BFSP2: variants seen among roughly 807,000 people sequenced by gnomAD.
BFSP2 encodes phakinin.
BFSP2 carries 38 observed loss-of-function variants against 44.9 expected under a neutral mutation model. That is an observed-to-expected ratio of 0.85 (90% confidence interval 0.65 to 1.11). The LOEUF (loss-of-function observed/expected upper bound fraction) is 1.11. Among genes scored for constraint, BFSP2 ranks in the 50% least tolerant of loss-of-function variants. The probability of loss-of-function intolerance (pLI) is 0.00; values close to 1 mark genes in which losing one functional copy is unlikely to be tolerated. For synonymous variants in BFSP2, 197 were observed against 209.9 expected, an observed-to-expected ratio of 0.94 and a Z score of 0.53; for missense variants, 525 against 533.0, an observed-to-expected ratio of 0.99 and a Z score of 0.15.
Position 133,426,021 on chromosome 3 carries a change from A to C in BFSP2, c.490-21296A>C, listed in dbSNP as rs2073651125. On this transcript the variant is annotated intron_variant, in intron 1 of 6. Transcript: ENST00000302334. The stretch of plus-strand genomic sequence containing the variant: ...AGGGCAGGGAAAGGAAGGGAAGGGA[A>C]GGGAAGGGAAGGGAAGGGAAAAAGC... Among the ~76,000 whole-genome samples the C allele has an allele frequency of 1.8e-5, 2 of 114,220 alleles. 1 individual carries two copies. The highest frequency in any genetic ancestry group is 3.7e-5 in the Non-Finnish European group (2 of 54,640). The allele number at this position is 114,220 out of a possible 152,430, so 74.9% of individuals were successfully genotyped here.
chr3:133,449,282 C>G (rs1261767563), intron 3 of BFSP2: 2 of 152,996 alleles, frequency 1.3e-5, no homozygotes, highest in African/African-American at 2.4e-5. Flanking sequence ...TCTTCTTGTT[C>G]TTAGCTCAGT....
At chr3:133,401,499 G>C (rs1250813034) in intron 1 of BFSP2, among the ~76,000 whole-genome samples, 1 of 152,168 alleles carries the variant, frequency 6.6e-6, no homozygotes, top group Non-Finnish European at 1.5e-5. Flanking sequence ...TCCCTTGCTT[G>C]GTCAGCCCTG....
At chr3:133,416,949 C>T (rs1218381721) in intron 1 of BFSP2, among the ~76,000 whole-genome samples, 5 of 130,258 alleles carry the variant, frequency 3.8e-5, no homozygotes, top group Non-Finnish European at 6.6e-5. Flanking sequence ...CTCACCCCGT[C>T]CTCTCCCCTC....
chr3:133,459,742 G>T (rs1228718365), intron 4 of BFSP2, among the ~76,000 whole-genome samples: 1 of 152,168 alleles, frequency 6.6e-6, no homozygotes, highest in Non-Finnish European at 1.5e-5. Flanking sequence ...GAGGAAGGTC[G>T]GGAGTGTGTG....
intron 3 of BFSP2, among the ~76,000 whole-genome samples, chr3:133,449,704 C>T (rs993613124): frequency 1.3e-5 from 2 of 151,904 alleles, no homozygotes; most frequent in Non-Finnish European, 2.9e-5. Context: ...ATGGTGAAAC[C>T]CTGTCTCCAC....
At chr3:133,408,583 C>A (rs890133302) in intron 1 of BFSP2, among the ~76,000 whole-genome samples, 1 of 152,228 alleles carries the variant, frequency 6.6e-6, no homozygotes, top group Non-Finnish European at 1.5e-5. Flanking sequence ...TCACTGCAAT[C>A]CTATCTGTAA....
chr3:133,400,618 G>A lies in BFSP2; in HGVS notation c.489+46G>A. The A allele has an allele frequency of 6.4e-7, 1 of 1,557,710 alleles. No homozygotes were observed. The highest frequency in any genetic ancestry group is 1.2e-5 in the South Asian group (1 of 84,946). Reference sequence around the variant, plus strand: ...AAGGGCTTTGCAGAGGGCTGGGAGGGGCTGCTGAAGGCAGCGGGTAGGGTT... The same window carrying A: ...AAGGGCTTTGCAGAGGGCTGGGAGGAGCTGCTGAAGGCAGCGGGTAGGGTT... On this transcript the variant is annotated intron_variant, in intron 1 of 6. Coordinates refer to ENST00000302334, the MANE Select transcript of BFSP2 (RefSeq NM_003571.4). The surrounding 1 kb of genome is among the most constrained non-coding windows in gnomAD (Gnocchi z 4.0).
intron 1 of BFSP2, among the ~76,000 whole-genome samples, chr3:133,438,545 CAA>C (rs902121784): frequency 6.7e-6 from 1 of 150,082 alleles, no homozygotes; most frequent in Non-Finnish European, 1.5e-5. Context: ...AGAAACAAAA[CAA>C]AAAAAGAAAA....
chr3:133,415,044 T>C (rs1415914481), intron 1 of BFSP2, among the ~76,000 whole-genome samples: 50 of 64,334 alleles, frequency 7.8e-4, no homozygotes, highest in Admixed American at 1.3e-3. Context: ...GCCCTCTCCC[T>C]TCTATTCACT....
chr3:133,400,697 TAAAATG>T lies in BFSP2; in HGVS notation c.489+126_489+131del. 1 of 1,419,896 alleles carries T rather than the reference TAAAATG, an allele frequency of 7.0e-7. No homozygotes were observed. The highest frequency in any genetic ancestry group is 1.4e-5 in the African/African-American group (1 of 69,964). The allele number at this position is 1,419,896 out of a possible 1,614,324, so 88.0% of individuals were successfully genotyped here. On this transcript the variant is annotated intron_variant, in intron 1 of 6. Transcript: ENST00000302334. The surrounding 1 kb of genome is among the most constrained non-coding windows in gnomAD (Gnocchi z 4.0). ...CCATAATCCCCTACACTTTCACACT[TAAAATG>T]GTAATGATAACAACAATGCTACCTT...
intron 4 of BFSP2, among the ~76,000 whole-genome samples, chr3:133,454,609 GA>G (rs2073996512): frequency 6.6e-6 from 1 of 152,152 alleles, no homozygotes; most frequent in African/African-American, 2.4e-5. Flanking sequence ...TCTGCAGAGG[GA>G]TAAGTAGATA....
intron 1 of BFSP2, among the ~76,000 whole-genome samples, chr3:133,403,299 G>A: frequency 6.6e-6 from 1 of 152,160 alleles, no homozygotes; most frequent in East Asian, 1.9e-4. Flanking sequence ...GGGCTCTGGT[G>A]TTCCGTGCTC....
chr3:133,417,296 A>C (rs1442403721), intron 1 of BFSP2, among the ~76,000 whole-genome samples: 1 of 70,684 alleles, frequency 1.4e-5, no homozygotes, highest in African/African-American at 5.7e-5. Context: ...CCTTCTGCTC[A>C]CCCCTGTCCT....
At position 133,436,325 on chromosome 3, in the gene BFSP2, CAAA is replaced by C. The variant is rs57060416; in HGVS notation, c.490-10973_490-10971del. ...AGGGTGACAGAGAGAGACTCTGTCT[CAAA>C]AAAAAAAAAAAAAAAAAATCTATGT... is the stretch of plus-strand genomic sequence containing the variant. On this transcript the variant is annotated intron_variant, in intron 1 of 6. Transcript: ENST00000302334. Among the ~76,000 whole-genome samples the C allele has an allele frequency of 8.5e-4, 66 of 78,096 alleles. 1 individual carries two copies. The highest frequency in any genetic ancestry group is 2.8e-3 in the African/African-American group (62 of 22,160). The allele number at this position is 78,096 out of a possible 152,430, so 51.2% of individuals were successfully genotyped here. A position where few individuals can be genotyped will look rare whatever the true frequency, so the allele number is the denominator to read the frequency against.
chr3:133,472,449 A>G lies in BFSP2; in HGVS notation c.1128A>G (p.Glu376=), dbSNP rs1280372502. The G allele has an allele frequency of 6.2e-7, 1 of 1,614,070 alleles. No homozygotes were observed. The highest frequency in any genetic ancestry group is 8.5e-7 in the Non-Finnish European group (1 of 1,180,010). Residue 376 remains glutamate, a synonymous_variant, in exon 6 of 7, where the codon GAA becomes GAG. Transcript: ENST00000302334. ...VVGRLEAELR[E]IRAEAEQQQQ... is the part of the protein sequence containing the mutation. ...GCCGGCTGGAGGCGGAGCTCAGGGA[A>G]ATCCGAGCGGAGGCGGAGCAGCAGC...
intron 5 of BFSP2, among the ~76,000 whole-genome samples, chr3:133,472,111 T>C (rs2074167849): frequency 6.6e-6 from 1 of 151,646 alleles, no homozygotes; most frequent in African/African-American, 2.4e-5. Context: ...CCTCACCCTC[T>C]CTCCCATCAA....
intron 1 of BFSP2, among the ~76,000 whole-genome samples, chr3:133,424,552 T>C (rs2073626352): frequency 6.6e-6 from 1 of 152,144 alleles, no homozygotes; most frequent in Admixed American, 6.6e-5. Flanking sequence ...CTGCTTTATC[T>C]GGAAAAGGAG....
chr3:133,425,313 C>A (rs1299895987), intron 1 of BFSP2, among the ~76,000 whole-genome samples: 2 of 152,204 alleles, frequency 1.3e-5, no homozygotes, highest in Non-Finnish European at 2.9e-5. Flanking sequence ...ACTGGTCCAT[C>A]CCTGTTACAT....
At chr3:133,474,407 T>A (rs2074195784) in intron 6 of BFSP2, among the ~76,000 whole-genome samples, 1 of 152,174 alleles carries the variant, frequency 6.6e-6, no homozygotes. Context: ...CTGTGTAACC[T>A]CTCTTTATTC....
Sources: gnomAD v4.1 joint callset for allele counts (sites outside exome capture counted in the v4.1 genomes callset) on GRCh38, gnomAD v4.1.1 for gene constraint, Gnocchi (gnomAD v3.1) non-coding constraint, MANE v1.5 for transcripts, NCBI Gene and HGNC (gene_info 2026-07-23, HGNC 2026-07-21) for gene names.